PPP2R2B: variants seen among roughly 807,000 people sequenced by gnomAD.
PPP2R2B encodes the protein protein phosphatase 2 regulatory subunit Bbeta.
Under a neutral mutation model 46.0 loss-of-function variants are expected in PPP2R2B, and 5 were observed. The ratio of observed to expected loss-of-function variants is 0.11; its 90% CI spans 0.06 to 0.23. PPP2R2B has a LOEUF of 0.23. PPP2R2B is among the 10% of genes least tolerant of loss of function. The pLI, the probability that PPP2R2B is intolerant of heterozygous loss-of-function variation, is 1.00. For synonymous variants in PPP2R2B, 215 were observed against 206.7 expected, an observed-to-expected ratio of 1.04 and a Z score of -0.34; for missense variants, 367 against 575.0, an observed-to-expected ratio of 0.64 and a Z score of 3.70.
chr5:147,047,477 G>A (rs1283610239), intron 1 of PPP2R2B, among the ~76,000 whole-genome samples: 1 of 151,886 alleles, frequency 6.6e-6, no homozygotes, highest in Non-Finnish European at 1.5e-5. Context: ...ATGTACACAG[G>A]CCAAGAATTG....
At chr5:146,805,363 A>G (rs1469315388) in intron 2 of PPP2R2B, among the ~76,000 whole-genome samples, 1 of 152,208 alleles carries the variant, frequency 6.6e-6, no homozygotes, top group African/African-American at 2.4e-5. Flanking sequence ...GAGAAAGTCA[A>G]TAAAACAGCT....
Position 146,718,117 on chromosome 5 carries a change from A to AT in PPP2R2B, c.71-16976dup, listed in dbSNP as rs554882578. ...TCATAATTCACAGGAAGCACAGCTG[A>AT]TTTTTTTTTTAACCAACGGTATTCC... On this transcript the variant is annotated intron_variant, in intron 2 of 9. Transcript: ENST00000394411. Among the ~76,000 whole-genome samples, 16 of 150,180 alleles carry AT rather than the reference A, an allele frequency of 1.1e-4. No individual in the cohort carries two copies. In the East Asian group the frequency reaches 1.5e-3, roughly 15 times the overall value.
At chr5:147,027,041 C>T (rs1755557619) in intron 1 of PPP2R2B, among the ~76,000 whole-genome samples, 1 of 152,102 alleles carries the variant, frequency 6.6e-6, no homozygotes, top group Non-Finnish European at 1.5e-5. Context: ...AAATATCTAT[C>T]ATCAAGTAAA....
chr5:146,685,638 A>G (rs890965049), intron 5 of PPP2R2B, among the ~76,000 whole-genome samples: 1 of 152,224 alleles, frequency 6.6e-6, no homozygotes, highest in Non-Finnish European at 1.5e-5. Flanking sequence ...CCAGTTGGCC[A>G]GTGTCTTAGA....
At chr5:146,878,900 C>G (rs1287032062), upstream of PPP2R2B, 1 of 1,148,626 alleles carries the variant, frequency 8.7e-7, no homozygotes, top group African/African-American at 1.7e-5. This position sits in a 1 kb window ranked among gnomAD's most constrained non-coding sequence, Gnocchi z 4.5. Flanking sequence ...CATGCAGCCG[C>G]GAATCGGCAC....
At chr5:146,716,431 A>T (rs1050902948) in intron 2 of PPP2R2B, among the ~76,000 whole-genome samples, 3 of 152,230 alleles carry the variant, frequency 2.0e-5, no homozygotes, top group African/African-American at 7.2e-5. Context: ...TTTGATGAAT[A>T]AAAGAATGTA....
In PPP2R2B at chr5:146,580,922, C is replaced by A. The variant is rs1346003127; in HGVS notation, c.*9025G>T. ...AGCTTCTTTGAGTCATGATCCATGC[C>A]TGAAATGGTATTTCATTTTGTACTT... On this transcript the variant is annotated 3_prime_UTR_variant, in exon 10 of 10. Transcript: ENST00000394411. 6.6e-6 allele frequency among the ~76,000 whole-genome samples: 1 copy of A among 151,988 alleles called. No individual in the cohort carries two copies. The highest frequency in any genetic ancestry group is 1.5e-5 in the Non-Finnish European group (1 of 68,000).
At chr5:146,905,923 C>G (rs1762981771) in intron 1 of PPP2R2B, among the ~76,000 whole-genome samples, 1 of 151,798 alleles carries the variant, frequency 6.6e-6, no homozygotes, top group Admixed American at 6.6e-5. Context: ...TATGGAAGCT[C>G]CCAAGCCACA....
intron 1 of PPP2R2B, among the ~76,000 whole-genome samples, chr5:146,986,461 G>T (rs1753433239): frequency 6.6e-6 from 1 of 152,022 alleles, no homozygotes; most frequent in Non-Finnish European, 1.5e-5. Context: ...TGCAGCGGAA[G>T]GCAAATTGGA....
chr5:146,996,931 C>A (rs1753949079), intron 1 of PPP2R2B, among the ~76,000 whole-genome samples: 1 of 152,116 alleles, frequency 6.6e-6, no homozygotes, highest in Non-Finnish European at 1.5e-5. Flanking sequence ...TTGGTCAATG[C>A]CAACTCCTCT....
At chr5:146,853,415 G>C (rs1386812723) in intron 2 of PPP2R2B, among the ~76,000 whole-genome samples, 1 of 152,094 alleles carries the variant, frequency 6.6e-6, no homozygotes, top group Non-Finnish European at 1.5e-5. Context: ...GAATAGTATA[G>C]TAATGGTGCA....
intron 1 of PPP2R2B, among the ~76,000 whole-genome samples, chr5:147,029,611 C>T (rs956125960): frequency 6.6e-6 from 1 of 152,092 alleles, no homozygotes; most frequent in Non-Finnish European, 1.5e-5. Flanking sequence ...ACCCTAACCT[C>T]CCAATGTGAC....
At chr5:147,005,700 AAAG>A (rs1430252123) in intron 1 of PPP2R2B, among the ~76,000 whole-genome samples, 1 of 152,130 alleles carries the variant, frequency 6.6e-6, no homozygotes, top group African/African-American at 2.4e-5. Flanking sequence ...ACAGAGACAA[AAAG>A]AAGAAGACAG....
At chr5:146,992,635 T>A (rs1436785690) in intron 1 of PPP2R2B, among the ~76,000 whole-genome samples, 2 of 152,200 alleles carry the variant, frequency 1.3e-5, no homozygotes, top group African/African-American at 2.4e-5. Context: ...AAACCCAGCA[T>A]CATCCTCATG....
intron 2 of PPP2R2B, among the ~76,000 whole-genome samples, chr5:146,740,813 C>T (rs1034742756): frequency 6.6e-6 from 1 of 151,900 alleles, no homozygotes; most frequent in African/African-American, 2.4e-5. Flanking sequence ...AATTAGTGTT[C>T]TAAAAGAAAG....
chr5:146,661,006 C>G (rs139981029), intron 5 of PPP2R2B, among the ~76,000 whole-genome samples: 1 of 152,142 alleles, frequency 6.6e-6, no homozygotes, highest in South Asian at 2.1e-4. Flanking sequence ...AATAGGGGCT[C>G]TAACTTAGAC....
intron 1 of PPP2R2B, among the ~76,000 whole-genome samples, chr5:147,022,360 C>A (rs1406056245): frequency 6.6e-6 from 1 of 151,394 alleles, no homozygotes; most frequent in African/African-American, 2.4e-5. Context: ...AGATTGAGAC[C>A]ATCCTGGTCA....
At chr5:146,806,360 C>T (rs1449591668) in intron 2 of PPP2R2B, among the ~76,000 whole-genome samples, 2 of 152,082 alleles carry the variant, frequency 1.3e-5, no homozygotes, top group Non-Finnish European at 2.9e-5. Context: ...TAAGAGCTGT[C>T]ATTAATTTTA....
At chr5:146,740,371 A>G (rs1283454061) in intron 2 of PPP2R2B, among the ~76,000 whole-genome samples, 1 of 152,176 alleles carries the variant, frequency 6.6e-6, no homozygotes, top group Non-Finnish European at 1.5e-5. Flanking sequence ...CCCAGTCTTT[A>G]AAGAAGAGTG....
Sources: allele counts gnomAD v4.1 joint callset (sites outside exome capture counted in the v4.1 genomes callset), GRCh38; gene constraint gnomAD v4.1.1; non-coding constraint Gnocchi (gnomAD v3.1); transcripts MANE v1.5; gene names NCBI Gene and HGNC (gene_info 2026-07-23, HGNC 2026-07-21).